DHTKD1: variants seen among roughly 807,000 people sequenced by gnomAD.
The protein encoded by DHTKD1 is dehydrogenase E1 and transketolase domain containing 1.
DHTKD1 carries 78 observed loss-of-function variants against 101.8 expected under a neutral mutation model. That is an observed-to-expected ratio of 0.77 (90% confidence interval 0.64 to 0.93). The LOEUF is 0.93. Ranked by LOEUF, DHTKD1 falls within the 40% of genes least tolerant of loss-of-function variation. DHTKD1 has a pLI of 0.00. For missense variants in DHTKD1, 1,223 were observed against 1,161.7 expected (o/e 1.05, Z -0.77); for synonymous variants, 462 against 450.3 (o/e 1.03, Z -0.33).
chr10:12,083,716 A>G (rs1189661625), intron 2 of DHTKD1, among the ~76,000 whole-genome samples: 2 of 152,218 alleles, frequency 1.3e-5, no homozygotes, highest in African/African-American at 2.4e-5. Context: ...CCTGGGCAAC[A>G]AGAGCAAAAA....
In DHTKD1 at chr10:12,087,189, T is replaced by A. The variant is rs1469843679; in HGVS notation, c.523-346T>A. Among the ~76,000 whole-genome samples the A allele has an allele frequency of 6.6e-6, 1 of 152,102 alleles. No individual in the cohort carries two copies. The highest frequency in any genetic ancestry group is 1.5e-5 in the Non-Finnish European group (1 of 68,020). The stretch of plus-strand genomic sequence containing the variant: ...TAGTTGGATAGTTTGCAGCCTTGAT[T>A]CATACCGTAGAGCCCCGTGTGAAAA... On this transcript the variant is annotated intron_variant, in intron 3 of 16. Coordinates refer to ENST00000263035, the MANE Select transcript of DHTKD1 (RefSeq NM_018706.7). The surrounding 1 kb of genome is among the most constrained non-coding windows in gnomAD (Gnocchi z 5.2).
chr10:12,069,684 C>CTTTTTTTTTTTTTTTTTT (rs11292752), intron 1 of DHTKD1, among the ~76,000 whole-genome samples: 1 of 25,478 alleles, frequency 3.9e-5, no homozygotes, highest in African/African-American at 1.3e-4. Context: ...CCACGCCCAG[C>CTTTTTTTTTTTTTTTTTT]TTTTTTTTTT....
At position 12,120,902 on chromosome 10, in the gene DHTKD1, A is replaced by C; in HGVS notation, c.*14A>C. 6.2e-7 allele frequency: 1 copy of C among 1,611,984 alleles called. No homozygotes were observed. Among genetic ancestry groups the C allele is most frequent in the Non-Finnish European group, 8.5e-7 (1 of 1,178,522 alleles). On this transcript the variant is annotated 3_prime_UTR_variant, in exon 17 of 17. Transcript: ENST00000263035. ...ACCTTCGCTTGATGATGACTTTTGAAGAAACACTATTTCTCTTTAAGAAAA... is the reference window on the plus strand; with the variant it reads ...ACCTTCGCTTGATGATGACTTTTGACGAAACACTATTTCTCTTTAAGAAAA...
chr10:12,091,264 T>A (rs60002466), intron 5 of DHTKD1, among the ~76,000 whole-genome samples: 165 of 150,280 alleles, frequency 1.1e-3, no homozygotes, highest in African/African-American at 3.8e-3. Flanking sequence ...TACAAAAAAT[T>A]AGCCGGGTGT....
At chr10:12,074,446 C>T (rs1272271889) in intron 1 of DHTKD1, among the ~76,000 whole-genome samples, 1 of 152,056 alleles carries the variant, frequency 6.6e-6, no homozygotes, top group Non-Finnish European at 1.5e-5. Context: ...AACTCTGCCT[C>T]CTGGGTTCAC....
At chr10:12,102,478 T>G (rs1224321658) in intron 10 of DHTKD1, among the ~76,000 whole-genome samples, 2 of 149,184 alleles carry the variant, frequency 1.3e-5, no homozygotes, top group Non-Finnish European at 3.0e-5. Flanking sequence ...TTTAGGAAGA[T>G]AACTGAAGGG....
chr10:12,099,131 C>T (rs1165275121), intron 8 of DHTKD1, among the ~76,000 whole-genome samples: 2 of 151,736 alleles, frequency 1.3e-5, no homozygotes, highest in Admixed American at 6.6e-5. Context: ...GATTGCACCA[C>T]TGTACTCCAG....
intron 1 of DHTKD1, among the ~76,000 whole-genome samples, chr10:12,070,508 A>T (rs1020311337): frequency 3.3e-5 from 5 of 152,018 alleles, no homozygotes; most frequent in Non-Finnish European, 7.4e-5. Flanking sequence ...TTTAATCCTA[A>T]AATGGAGTCT....
intron 3 of DHTKD1, among the ~76,000 whole-genome samples, chr10:12,085,224 C>G (rs1832879647): frequency 6.6e-6 from 1 of 151,918 alleles, no homozygotes; most frequent in Admixed American, 6.6e-5. Flanking sequence ...GCATGGGAAT[C>G]CTTGGAACCT....
At position 12,100,368 on chromosome 10, in the gene DHTKD1, C is replaced by G. The variant is rs1393786494; in HGVS notation, c.1756+106C>G. The G allele has an allele frequency of 5.4e-6, 3 of 558,114 alleles. No individual in the cohort carries two copies. The South Asian group carries it at 6.6e-5, about 12-fold the overall frequency. The allele number at this position is 558,114 out of a possible 1,614,324, so 34.6% of individuals were successfully genotyped here. ...TCTCAGCTCACTGCAACCTCCGCCT[C>G]CCAGGTTCAAGCGATTCTCCTGCCC... On this transcript the variant is annotated intron_variant, in intron 9 of 16. Coordinates refer to ENST00000263035, the MANE Select transcript of DHTKD1 (RefSeq NM_018706.7).
chr10:12,081,778 G>A lies in DHTKD1; in HGVS notation c.310+151G>A, dbSNP rs912421222. On this transcript the variant is annotated intron_variant, in intron 2 of 16. Coordinates refer to ENST00000263035, the MANE Select transcript of DHTKD1 (RefSeq NM_018706.7). Reference sequence around the variant, plus strand: ...GGCATGTTGAAGTACGGTCCGGGAGGAGCATTCTTGGGATTCTAGAAGTTC... The same window carrying A: ...GGCATGTTGAAGTACGGTCCGGGAGAAGCATTCTTGGGATTCTAGAAGTTC... 4.0e-6 allele frequency: 3 copies of A among 756,524 alleles called. No homozygotes were observed. The Admixed American group carries it at 8.7e-5, about 22-fold the overall frequency. 46.9% of individuals were successfully genotyped at this position (756,524 alleles called of 1,614,324 possible). A position where few individuals can be genotyped will look rare whatever the true frequency, so the allele number is the denominator to read the frequency against.
chr10:12,106,414 GGGTGGGTACA>G lies in DHTKD1; in HGVS notation c.2047+25_2047+34del. The G allele has an allele frequency of 6.2e-7, 1 of 1,613,904 alleles. No individual in the cohort carries two copies. Among genetic ancestry groups the G allele is most frequent in the Non-Finnish European group, 8.5e-7 (1 of 1,179,826 alleles). ...CTCTGGAGGTTGGTGTCAGCGTATA[GGGTGGGTACA>G]GGTGGGGGTCCCTGCGTGGCCCCAG... On this transcript the variant is annotated intron_variant, in intron 11 of 16. Transcript: ENST00000263035.
chr10:12,076,975 T>TAAA (rs61096299), intron 1 of DHTKD1, among the ~76,000 whole-genome samples: 1,446 of 61,770 alleles, frequency 0.023, 56 homozygotes, highest in African/African-American at 0.054. Context: ...CTGTTTCTGA[T>TAAA]AAAAAAAAAA....
chr10:12,088,460 A>G (rs1236973761), intron 4 of DHTKD1, among the ~76,000 whole-genome samples: 1 of 151,712 alleles, frequency 6.6e-6, no homozygotes, highest in Non-Finnish European at 1.5e-5. Context: ...AGACAGAGCC[A>G]GATCCTGTCT....
Position 12,093,940 on chromosome 10 carries a change from C to G in DHTKD1, c.1160-133C>G, listed in dbSNP as rs896037466. The G allele has an allele frequency of 1.3e-5, 10 of 751,076 alleles. No individual in the cohort carries two copies. In the African/African-American group the frequency reaches 1.7e-4, roughly 13 times the overall value. The allele number at this position is 751,076 out of a possible 1,614,324, so 46.5% of individuals were successfully genotyped here. On this transcript the variant is annotated intron_variant, in intron 6 of 16. Transcript: ENST00000263035. ...GGAACTTGCCAGCTGGTCTCCAAAGCTGGGGTTGTTAACCAAACCAATATC... is the reference window on the plus strand; with the variant it reads ...GGAACTTGCCAGCTGGTCTCCAAAGGTGGGGTTGTTAACCAAACCAATATC...
intron 15 of DHTKD1, among the ~76,000 whole-genome samples, 184 bp downstream of exon 15, chr10:12,119,102 T>G (rs1052808131): frequency 6.8e-6 from 1 of 146,588 alleles, no homozygotes; most frequent in Non-Finnish European, 1.5e-5. Flanking sequence ...GTCAGGAGAT[T>G]GAGACCATCC....
At chr10:12,091,429 A>AAAAAAAATTTATTCCAACCTGAAAACCT in intron 5 of DHTKD1, 84 bp from the exon 6 acceptor site, 1 of 887,166 alleles carries the variant, frequency 1.1e-6, no homozygotes, top group Non-Finnish European at 1.6e-6. Context: ...AAAAAAAAAA[A>AAAAAAAATTTATTCCAACCTGAAAACCT]AGTTATTCCA....
chr10:12,092,135 C>T (rs1263569698), intron 6 of DHTKD1, among the ~76,000 whole-genome samples: 1 of 151,954 alleles, frequency 6.6e-6, no homozygotes, highest in Non-Finnish European at 1.5e-5. Context: ...AGGTGTACAC[C>T]ACCACACCTG....
chr10:12,074,102 G>A (rs576889632), intron 1 of DHTKD1, among the ~76,000 whole-genome samples: 28 of 152,130 alleles, frequency 1.8e-4, no homozygotes, highest in Non-Finnish European at 2.6e-4. Context: ...GCGGTATTAC[G>A]CCTAACGTAA....
Sources: gnomAD v4.1 joint callset for allele counts (sites outside exome capture counted in the v4.1 genomes callset) on GRCh38, gnomAD v4.1.1 for gene constraint, Gnocchi (gnomAD v3.1) non-coding constraint, MANE v1.5 for transcripts, NCBI Gene and HGNC (gene_info 2026-07-23, HGNC 2026-07-21) for gene names.